The following MAMLD1 variants were observed in gnomAD, a reference collection of about 807,000 sequenced individuals.
The protein encoded by MAMLD1 is mastermind-like domain-containing protein 1.
Under a neutral mutation model 45.0 loss-of-function variants are expected in MAMLD1, and 14 were observed. The ratio of observed to expected loss-of-function variants is 0.31; its 90% CI spans 0.21 to 0.49. MAMLD1 has a LOEUF of 0.49. Among genes scored for constraint, MAMLD1 ranks in the 20% least tolerant of loss-of-function variants. MAMLD1 has a pLI of 0.99. For missense variants in MAMLD1, 543 were observed against 603.6 expected (o/e 0.90, Z 1.05); for synonymous variants, 254 against 247.8 (o/e 1.02, Z -0.24).
chrX:150,504,666 G>C, intron 6 of MAMLD1: 1 of 736,148 alleles, frequency 1.4e-6, no homozygotes, highest in Non-Finnish European at 1.6e-6. Context: ...CCTGTCTTTG[G>C]AAGCCACAGA....
chrX:150,469,459 A>G (rs981968097), intron 3 of MAMLD1, among the ~76,000 whole-genome samples: 2 of 112,402 alleles, frequency 1.8e-5, no homozygotes, highest in Non-Finnish European at 3.8e-5. Flanking sequence ...TAGATGAAAC[A>G]TAATAATGAA....
intron 3 of MAMLD1, among the ~76,000 whole-genome samples, chrX:150,464,287 C>T (rs972316004): frequency 9.0e-6 from 1 of 111,609 alleles, no homozygotes; most frequent in African/African-American, 3.3e-5. Context: ...ATTTGTAGGT[C>T]GAGGTTCTTG....
chrX:150,478,813 T>C lies in MAMLD1; in HGVS notation c.2040+5011T>C, dbSNP rs141559120. Among the ~76,000 whole-genome samples, 825 of 112,769 alleles carry C rather than the reference T, an allele frequency of 7.3e-3. 8 individuals carry two copies. Among genetic ancestry groups the C allele is most frequent in the African/African-American group, 0.025 (787 of 31,017 alleles). On this transcript the variant is annotated intron_variant, in intron 5 of 7. Coordinates refer to ENST00000370401, the MANE Select transcript of MAMLD1 (RefSeq NM_005491.5). Reference sequence around the variant, plus strand: ...TTAAACATGATGGTACATACAAGCTTAGTTTTACCATTCTTTCTAAATTAA... The same window carrying C: ...TTAAACATGATGGTACATACAAGCTCAGTTTTACCATTCTTTCTAAATTAA...
At chrX:150,455,667 G>C (rs1473822047) in intron 2 of MAMLD1, among the ~76,000 whole-genome samples, 2 of 111,563 alleles carry the variant, frequency 1.8e-5, no homozygotes, top group Non-Finnish European at 1.9e-5. Context: ...TAGAGACAAG[G>C]TTTAAACAGA....
At chrX:150,414,396 C>T (rs782149306) in intron 1 of MAMLD1, among the ~76,000 whole-genome samples, 37 of 111,544 alleles carry the variant, frequency 3.3e-4, no homozygotes, top group Non-Finnish European at 5.8e-4. Context: ...TCATTTACAG[C>T]CCAGTTATGT....
chrX:150,431,908 T>A (rs782138800), intron 1 of MAMLD1, among the ~76,000 whole-genome samples: 3 of 111,916 alleles, frequency 2.7e-5, no homozygotes, highest in Non-Finnish European at 5.6e-5. Flanking sequence ...TATGGTAGAA[T>A]GATTTATATT....
At position 150,470,519 on chromosome X, in the gene MAMLD1, G is replaced by A; in HGVS notation, c.946G>A (p.Gly316Arg). 1 of 1,211,581 alleles carries A rather than the reference G, an allele frequency of 8.3e-7. No individual in the cohort carries two copies. ...GAAGGCGTTGGCAGCCAGCAAGCAG[G>A]GGTCTGCTACAAAGCAGCAAGGGCC... ...QLKALAASKQ[G>R]SATKQQGPTP... is the part of the protein sequence containing the mutation. Residue 316 changes from glycine to arginine, a missense_variant, in exon 4 of 8, where the codon GGG (glycine) becomes AGG (arginine). Gly to Arg is a moderately radical substitution (Grantham distance 125, BLOSUM62 -2). Transcript: ENST00000370401.
At chrX:150,506,601 C>CGA (rs1306839772) in intron 6 of MAMLD1, among the ~76,000 whole-genome samples, 76 of 111,982 alleles carry the variant, frequency 6.8e-4, no homozygotes, top group Admixed American at 1.0e-3. Context: ...TCTCAGTCCC[C>CGA]GAATCGTTTG....
chrX:150,408,446 A>G (rs782619274), intron 1 of MAMLD1, among the ~76,000 whole-genome samples: 1 of 111,903 alleles, frequency 8.9e-6, no homozygotes, highest in Non-Finnish European at 1.9e-5. Context: ...CTACAAAAAG[A>G]GTCTGTTTTG....
At chrX:150,422,856 A>G (rs2034565913) in intron 1 of MAMLD1, among the ~76,000 whole-genome samples, 2 of 112,162 alleles carry the variant, frequency 1.8e-5, no homozygotes, top group African/African-American at 3.2e-5. Context: ...TGCATTGAAA[A>G]AAAAGGGCTG....
chrX:150,407,574 T>C (rs1004471411), intron 1 of MAMLD1, among the ~76,000 whole-genome samples: 2 of 112,311 alleles, frequency 1.8e-5, no homozygotes, highest in Non-Finnish European at 3.8e-5. Context: ...GCTTTTTTTT[T>C]CCTGATTCCT....
At chrX:150,446,849 T>C (rs1418746505) in intron 2 of MAMLD1, among the ~76,000 whole-genome samples, 4 of 112,972 alleles carry the variant, frequency 3.5e-5, no homozygotes, top group African/African-American at 1.3e-4. Context: ...AACCTGATAA[T>C]GCTCCCAGAG....
chrX:150,513,027 C>CA lies in MAMLD1; in HGVS notation c.*1069dup, dbSNP rs2037949311. 8.7e-7 allele frequency: 1 copy of CA among 1,153,953 alleles called. No individual in the cohort carries two copies. The highest frequency in any genetic ancestry group is 1.1e-6 in the Non-Finnish European group (1 of 870,918). On this transcript the variant is annotated 3_prime_UTR_variant, in exon 8 of 8. Coordinates refer to ENST00000370401, the MANE Select transcript of MAMLD1 (RefSeq NM_005491.5). ...CAGCATGCTGCTGCTCAAAATGCCA[C>CA]AGCCCAGAATTCTGGGCAAGTCACC...
intron 1 of MAMLD1, among the ~76,000 whole-genome samples, chrX:150,372,257 G>C (rs181627019): frequency 1.1e-4 from 12 of 112,378 alleles, no homozygotes; most frequent in Non-Finnish European, 1.9e-4. Flanking sequence ...TTAAGAATTA[G>C]AAGGTAGTGT....
chrX:150,453,719 A>G (rs1463569863), intron 2 of MAMLD1, among the ~76,000 whole-genome samples: 1 of 111,177 alleles, frequency 9.0e-6, no homozygotes, highest in African/African-American at 3.3e-5. Context: ...CAAATTCACG[A>G]CTACTTCCCT....
intron 1 of MAMLD1, among the ~76,000 whole-genome samples, chrX:150,371,014 A>T (rs919789899): frequency 9.0e-6 from 1 of 110,800 alleles, no homozygotes; most frequent in African/African-American, 3.3e-5. Flanking sequence ...CCAGCTTCAG[A>T]CTACTCCCTC....
chrX:150,427,135 A>G (rs936944656), intron 1 of MAMLD1, among the ~76,000 whole-genome samples: 4 of 111,457 alleles, frequency 3.6e-5, no homozygotes, highest in Admixed American at 1.9e-4. Context: ...ACAGACACCA[A>G]TCATATTGGA....
chrX:150,462,701 G>A, intron 2 of MAMLD1, 71 bp from the exon 3 acceptor site: 25 of 708,424 alleles, frequency 3.5e-5, no homozygotes, highest in Non-Finnish European at 5.5e-5. Flanking sequence ...GCCTCTCACT[G>A]AGCTGGTGCA....
At chrX:150,468,082 T>C (rs189225613) in intron 3 of MAMLD1, among the ~76,000 whole-genome samples, 1 of 112,306 alleles carries the variant, frequency 8.9e-6, no homozygotes, top group East Asian at 2.8e-4. Context: ...CCAGTGGTTT[T>C]CTGTTGAGAA....
Sources: gnomAD v4.1 joint callset for allele counts (sites outside exome capture counted in the v4.1 genomes callset) on GRCh38, gnomAD v4.1.1 for gene constraint, MANE v1.5 for transcripts, NCBI Gene and HGNC (gene_info 2026-07-23, HGNC 2026-07-21) for gene names.